BDH2: variants seen among roughly 807,000 people sequenced by gnomAD.
BDH2 encodes dehydrogenase/reductase SDR family member 6.
BDH2 carries 24 observed loss-of-function variants against 33.2 expected under a neutral mutation model. That is an observed-to-expected ratio of 0.72 (90% CI 0.52 to 1.02). The LOEUF (loss-of-function observed/expected upper bound fraction) is 1.02, where lower values mean the gene tolerates loss of function less well. Among genes scored for constraint, BDH2 ranks in the 50% least tolerant of loss-of-function variants. The probability of loss-of-function intolerance (pLI) is 0.00; values close to 1 mark genes in which losing one functional copy is unlikely to be tolerated. For synonymous variants in BDH2, 81 were observed against 101.6 expected (o/e 0.80, Z 1.22); for missense variants, 249 against 301.6 (o/e 0.83, Z 1.29).
intron 6 of BDH2, chr4:103,085,670 T>C (rs1747745698): frequency 2.7e-6 from 4 of 1,491,772 alleles, no homozygotes; most frequent in Non-Finnish European, 3.6e-6. Context: ...CACAACTTAA[T>C]TGAGACTTAA....
chr4:103,091,498 T>G (rs950858500), intron 4 of BDH2: 6 of 467,642 alleles, frequency 1.3e-5, no homozygotes, highest in African/African-American at 9.9e-5. Context: ...GATCCTTGTT[T>G]TCCAAACAAA....
intron 7 of BDH2, among the ~76,000 whole-genome samples, chr4:103,084,117 T>C (rs577206639): frequency 1.3e-5 from 2 of 152,326 alleles, no homozygotes; most frequent in South Asian, 4.1e-4. Context: ...CTCAATAGCC[T>C]CCTTAAAGTC....
Position 103,091,303 on chromosome 4 carries a change from C to T in BDH2, c.249-18G>A. Reference sequence around the variant, plus strand: ...GGACAAAACTAGAAGAGTGATTAAACAATGGAAGAATAACTGCCATTAAAA... The same window carrying T: ...GGACAAAACTAGAAGAGTGATTAAATAATGGAAGAATAACTGCCATTAAAA... On this transcript the variant is annotated intron_variant, in intron 4 of 9. Transcript: ENST00000296424. 1.3e-6 allele frequency: 2 copies of T among 1,537,384 alleles called. No individual in the cohort carries two copies. Among genetic ancestry groups the T allele is most frequent in the Non-Finnish European group, 9.0e-7 (1 of 1,114,370 alleles).
At chr4:103,089,797 A>G (rs1747986200) in intron 5 of BDH2, among the ~76,000 whole-genome samples, 1 of 152,186 alleles carries the variant, frequency 6.6e-6, no homozygotes, top group Admixed American at 6.5e-5. Context: ...CAAATACTAT[A>G]GTTTCTCATA....
At chr4:103,094,538 A>AAC (rs986814237) in intron 3 of BDH2, among the ~76,000 whole-genome samples, 2 of 152,136 alleles carry the variant, frequency 1.3e-5, no homozygotes, top group Middle Eastern at 3.2e-3. Flanking sequence ...CATCATGTTG[A>AAC]ACATCTTGAA....
rs1281852801 is a variant in BDH2 at position 103,079,560 on chromosome 4, C to G, written c.*142G>C. On this transcript the variant is annotated 3_prime_UTR_variant, in exon 10 of 10. Coordinates refer to ENST00000296424, the MANE Select transcript of BDH2 (RefSeq NM_020139.4). ...ATATACTTAAAGAATCAGACTCTTG[C>G]AAACAGTGACATCATTAAAAAGAGC... 2.8e-6 allele frequency: 2 copies of G among 723,696 alleles called. No individual in the cohort carries two copies. Among genetic ancestry groups the G allele is most frequent in the South Asian group, 1.8e-5 (1 of 55,088 alleles). 44.8% of individuals were successfully genotyped at this position (723,696 alleles called of 1,614,324 possible).
chr4:103,097,001 TTC>T (rs1447900918), intron 1 of BDH2, among the ~76,000 whole-genome samples: 1 of 152,192 alleles, frequency 6.6e-6, no homozygotes, highest in Non-Finnish European at 1.5e-5. Flanking sequence ...GCTTCTTGAT[TTC>T]TCTTCCATAA....
chr4:103,086,344 C>T (rs1747779483), intron 6 of BDH2, 136 bp downstream of exon 6: 2 of 1,360,942 alleles, frequency 1.5e-6, no homozygotes, highest in South Asian at 2.1e-5. Context: ...GAACTTAATA[C>T]CAATTTTGAA....
intron 5 of BDH2, among the ~76,000 whole-genome samples, chr4:103,087,818 G>T (rs928091294): frequency 2.6e-5 from 4 of 152,136 alleles, no homozygotes; most frequent in Admixed American, 6.5e-5. Context: ...GTCTCAATAG[G>T]CAGTGTAAAG....
chr4:103,081,981 A>G (rs1364404337), intron 9 of BDH2, 100 bp downstream of exon 9: 31 of 941,294 alleles, frequency 3.3e-5, no homozygotes. Flanking sequence ...ATCTTAGCAC[A>G]TATATGCCAC....
Position 103,095,607 on chromosome 4 carries a change from T to A in BDH2, c.73-326A>T, listed in dbSNP as rs889448555. Reference sequence around the variant, plus strand: ...CTTCTGTAATGAGACTATATATCATTTCTGAGTTTGAGTTACTAAACTCCA... The same window carrying A: ...CTTCTGTAATGAGACTATATATCATATCTGAGTTTGAGTTACTAAACTCCA... On this transcript the variant is annotated intron_variant, in intron 2 of 9. Coordinates refer to ENST00000296424, the MANE Select transcript of BDH2 (RefSeq NM_020139.4). Among the ~76,000 whole-genome samples the A allele has an allele frequency of 8.5e-5, 13 of 152,316 alleles. No individual in the cohort carries two copies. In the South Asian group the frequency reaches 1.9e-3, roughly 22 times the overall value.
At chr4:103,093,420 A>G (rs899799927) in intron 3 of BDH2, among the ~76,000 whole-genome samples, 5 of 152,004 alleles carry the variant, frequency 3.3e-5, no homozygotes, top group African/African-American at 1.2e-4. Context: ...CTTGAAGGCT[A>G]GACATGAGAG....
intron 1 of BDH2, 91 bp downstream of exon 1, chr4:103,099,692 A>T (rs974431059): frequency 6.6e-5 from 10 of 152,212 alleles, no homozygotes; most frequent in African/African-American, 2.4e-4. Flanking sequence ...ATTTTGAAAC[A>T]GGCAACGTGC....
rs369644688 is a variant in BDH2, at chr4:103,090,526, C to T, written c.357+651G>A. Among the ~76,000 whole-genome samples the T allele has an allele frequency of 1.1e-4, 17 of 152,282 alleles. No individual in the cohort carries two copies. The East Asian group carries it at 1.9e-3, about 17-fold the overall frequency. On this transcript the variant is annotated intron_variant, in intron 5 of 9. Coordinates refer to ENST00000296424, the MANE Select transcript of BDH2 (RefSeq NM_020139.4). ...GAGTGTGAGCCTAGACTGAAATTCA[C>T]GAAGGGGCTCAACGTCCAGGCTTCA...
Position 103,080,560 on chromosome 4 carries a change from A to G in BDH2, c.685-805T>C, listed in dbSNP as rs1028587793. Among the ~76,000 whole-genome samples the G allele has an allele frequency of 5.3e-5, 8 of 152,374 alleles. No individual in the cohort carries two copies. The South Asian group carries it at 1.7e-3, about 32-fold the overall frequency. On this transcript the variant is annotated intron_variant, in intron 9 of 9. Coordinates refer to ENST00000296424, the MANE Select transcript of BDH2 (RefSeq NM_020139.4). Reference sequence around the variant, plus strand: ...TGAATAGAGAAATTTTAAGAGTTCAATAGATAAAAGCTGATAATATACAGT... The same window carrying G: ...TGAATAGAGAAATTTTAAGAGTTCAGTAGATAAAAGCTGATAATATACAGT...
chr4:103,093,940 A>T lies in BDH2; in HGVS notation c.152-1244T>A, dbSNP rs562371238. ...TTTGACTTGTTTGAATTATAATTCA[A>T]CATATTCCAATTCAATTAACTAATT... On this transcript the variant is annotated intron_variant, in intron 3 of 9. Coordinates refer to ENST00000296424, the MANE Select transcript of BDH2 (RefSeq NM_020139.4). Among the ~76,000 whole-genome samples, 23 of 152,248 alleles carry T rather than the reference A, an allele frequency of 1.5e-4. No individual in the cohort carries two copies. In the South Asian group the frequency reaches 4.6e-3, roughly 30 times the overall value.
intron 4 of BDH2, 169 bp downstream of exon 4, chr4:103,092,431 C>G (rs578081563): frequency 3.1e-4 from 192 of 609,608 alleles, no homozygotes; most frequent in African/African-American, 3.0e-3. Context: ...GGCTGTCTTA[C>G]CTGCTGAATT....
At chr4:103,097,114 A>G (rs1325458759) in intron 1 of BDH2, among the ~76,000 whole-genome samples, 6 of 152,124 alleles carry the variant, frequency 3.9e-5, no homozygotes, top group Non-Finnish European at 8.8e-5. Context: ...AAAAGGATGG[A>G]AAAATCAAAT....
At chr4:103,092,390 C>T (rs553487717) in intron 4 of BDH2, 187 of 568,170 alleles carry the variant, frequency 3.3e-4, no homozygotes, top group African/African-American at 3.3e-3. Flanking sequence ...TTGAGTAGAC[C>T]TCATTTGCCC....
Sources: gnomAD v4.1 joint callset for allele counts (sites outside exome capture counted in the v4.1 genomes callset) on GRCh38, gnomAD v4.1.1 for gene constraint, MANE v1.5 for transcripts, NCBI Gene and HGNC (gene_info 2026-07-23, HGNC 2026-07-21) for gene names.